PACSIN2: variants seen among roughly 807,000 people sequenced by gnomAD.
PACSIN2 encodes protein kinase C and casein kinase substrate in neurons 2.
Under a neutral mutation model 63.8 loss-of-function variants are expected in PACSIN2, and 25 were observed. That is an observed-to-expected ratio of 0.39 (90% confidence interval 0.29 to 0.55). The LOEUF is 0.55. Ranked by LOEUF, PACSIN2 falls within the 20% of genes least tolerant of loss-of-function variation. The pLI is 0.62. For synonymous variants in PACSIN2, 255 were observed against 256.2 expected (o/e 1.00, Z 0.05); for missense variants, 518 against 646.9 (o/e 0.80, Z 2.16).
intron 1 of PACSIN2, among the ~76,000 whole-genome samples, chr22:42,971,889 T>G (rs1372183967): frequency 3.0e-5 from 4 of 134,720 alleles, no homozygotes; most frequent in African/African-American, 1.3e-4. Flanking sequence ...GTTCGGGAGG[T>G]GGGGGGCAGC....
chr22:42,967,680 A>G (rs1485897587), intron 1 of PACSIN2, among the ~76,000 whole-genome samples: 1 of 152,222 alleles, frequency 6.6e-6, no homozygotes, highest in East Asian at 1.9e-4. Context: ...CGAGGTCAGG[A>G]GATCAAGACC....
chr22:42,893,627 C>A lies in PACSIN2; in HGVS notation c.61-14G>T. 6.2e-7 allele frequency: 1 copy of A among 1,608,648 alleles called. No homozygotes were observed. The highest frequency in any genetic ancestry group is 8.5e-7 in the Non-Finnish European group (1 of 1,175,686). ...GTAGTTCCCGACCTAGGAGAGAGAACCAGCTGGGAGGCAGGGGGCTTGGGG... is the reference window on the plus strand; with the variant it reads ...GTAGTTCCCGACCTAGGAGAGAGAAACAGCTGGGAGGCAGGGGGCTTGGGG... On this transcript the variant is annotated splice_polypyrimidine_tract_variant and intron_variant, in intron 2 of 10. Transcript: ENST00000263246.
intron 2 of PACSIN2, among the ~76,000 whole-genome samples, chr22:42,905,691 T>A (rs151000956): frequency 6.6e-6 from 1 of 152,266 alleles, no homozygotes; most frequent in African/African-American, 2.4e-5. Context: ...CCAAAGGGCA[T>A]GAAAGAGCTG....
intron 1 of PACSIN2, among the ~76,000 whole-genome samples, chr22:42,949,320 C>A (rs1933573856): frequency 1.3e-5 from 2 of 152,160 alleles, no homozygotes; most frequent in Non-Finnish European, 1.5e-5. Context: ...CTCCTCCTGG[C>A]CTCTCTGGCA....
chr22:42,874,324 A>C (rs62231590), intron 10 of PACSIN2, among the ~76,000 whole-genome samples: 2 of 20,370 alleles, frequency 9.8e-5, no homozygotes, highest in African/African-American at 2.1e-3. Context: ...TGTCTCTATT[A>C]AAAAAAAAAA....
Position 42,876,219 on chromosome 22 carries a change from G to A in PACSIN2, c.1266C>T (p.Asp422=), listed in dbSNP as rs775962311. 396 of 1,614,076 alleles carry A rather than the reference G, an allele frequency of 2.5e-4. 1 individual carries two copies. The highest frequency in any genetic ancestry group is 1.3e-4 in the South Asian group (12 of 91,092). ...CTCGCACTTCCGTCCCCGAGGTGGC[G>A]TCGTCGTCGAATGGATTCGAGTCCC... is the stretch of plus-strand genomic sequence containing the variant. ...ANGDSNPFDD[D]ATSGTEVRVR... is the part of the protein sequence containing the mutation. The change falls in exon 10 of 11, where the codon GAC becomes GAT. Residue 422 remains aspartate, a synonymous_variant. Coordinates refer to ENST00000263246, the MANE Select transcript of PACSIN2 (RefSeq NM_001184970.3).
intron 2 of PACSIN2, among the ~76,000 whole-genome samples, chr22:42,906,310 CA>C (rs1446855804): frequency 6.6e-6 from 1 of 152,270 alleles, no homozygotes; most frequent in Non-Finnish European, 1.5e-5. Context: ...GATTGGGCAG[CA>C]AAGGCTGCTT....
At position 42,905,654 on chromosome 22, in the gene PACSIN2, C is replaced by T. The variant is rs143607534; in HGVS notation, c.60+6367G>A. Among the ~76,000 whole-genome samples, 254 of 152,270 alleles carry T rather than the reference C, an allele frequency of 1.7e-3. 2 individuals are homozygous for T. The highest frequency in any genetic ancestry group is 5.9e-3 in the African/African-American group (244 of 41,544). On this transcript the variant is annotated intron_variant, in intron 2 of 10. Transcript: ENST00000263246. ...ATCGGGAATGGCTGAGCACGCAGGC[C>T]GAAGACAATGTTGTAGATGTCATAC...
chr22:42,880,528 TAGCGGGGGC>T (rs1928990231), intron 7 of PACSIN2: 1 of 152,108 alleles, frequency 6.6e-6, no homozygotes, highest in South Asian at 2.1e-4. Flanking sequence ...GCTAGGAGCC[TAGCGGGGGC>T]AGCACACCCA....
intron 1 of PACSIN2, chr22:42,945,723 T>C (rs564663202): frequency 2.0e-5 from 3 of 152,496 alleles, no homozygotes; most frequent in Admixed American, 6.5e-5. Context: ...CCCATGATGA[T>C]AGCTACCTTC....
intron 1 of PACSIN2, among the ~76,000 whole-genome samples, chr22:42,968,437 G>C (rs1921007707): frequency 6.6e-6 from 1 of 152,098 alleles, no homozygotes; most frequent in Non-Finnish European, 1.5e-5. Context: ...TCAGTGCTGG[G>C]GAAAAAGAAA....
Position 42,871,132 on chromosome 22 carries a change from A to G in PACSIN2, c.*225T>C. 5.2e-6 allele frequency: 3 copies of G among 573,762 alleles called. No individual in the cohort carries two copies. In the South Asian group the frequency reaches 6.2e-5, roughly 12 times the overall value. The allele number at this position is 573,762 out of a possible 1,614,324, so 35.5% of individuals were successfully genotyped here. A position where few individuals can be genotyped will look rare whatever the true frequency, so the allele number is the denominator to read the frequency against. On this transcript the variant is annotated 3_prime_UTR_variant, in exon 11 of 11. Coordinates refer to ENST00000263246, the MANE Select transcript of PACSIN2 (RefSeq NM_001184970.3). The surrounding 1 kb of genome is among the most constrained non-coding windows in gnomAD (Gnocchi z 5.4). ...GCACAGTGGGCGGGGAGGGGCGGCT[A>G]TTTCTGTTGTTCTGCGTCTTCCTGC...
intron 10 of PACSIN2, among the ~76,000 whole-genome samples, chr22:42,874,031 C>G (rs1349146950): frequency 6.6e-6 from 1 of 152,116 alleles, no homozygotes; most frequent in Non-Finnish European, 1.5e-5. Flanking sequence ...CTCAAGTGAT[C>G]CTTCGGCCTT....
intron 1 of PACSIN2, among the ~76,000 whole-genome samples, chr22:42,934,045 C>T (rs1342726566): frequency 6.6e-6 from 1 of 152,230 alleles, no homozygotes; most frequent in Admixed American, 6.5e-5. Context: ...AGTTCTTTAA[C>T]ACACTTGTCT....
intron 2 of PACSIN2, among the ~76,000 whole-genome samples, chr22:42,894,092 G>C (rs888423175): frequency 6.6e-6 from 1 of 152,132 alleles, no homozygotes; most frequent in African/African-American, 2.4e-5. Context: ...CATGTGCCAG[G>C]CGACCTGCTA....
chr22:42,935,416 G>C (rs1019036695), intron 1 of PACSIN2, among the ~76,000 whole-genome samples: 3 of 152,152 alleles, frequency 2.0e-5, no homozygotes, highest in African/African-American at 7.2e-5. Flanking sequence ...CATGTGCGGA[G>C]ACCTACTGTG....
At chr22:42,928,032 C>T (rs574212189) in intron 1 of PACSIN2, among the ~76,000 whole-genome samples, 1 of 152,320 alleles carries the variant, frequency 6.6e-6, no homozygotes, top group African/African-American at 2.4e-5. Context: ...GCTTCCACTT[C>T]TGTCCCACTG....
At chr22:42,977,071 T>C (rs1324475399) in intron 1 of PACSIN2, among the ~76,000 whole-genome samples, 1 of 152,252 alleles carries the variant, frequency 6.6e-6, no homozygotes, top group Non-Finnish European at 1.5e-5. Context: ...GTTGCAAATA[T>C]ATAAACATAT....
At chr22:42,888,827 A>G (rs767832804) in intron 4 of PACSIN2, 29 bp from the exon 5 acceptor site, 3 of 1,611,158 alleles carry the variant, frequency 1.9e-6, no homozygotes, top group Non-Finnish European at 2.5e-6. Context: ...CCTGAATGCC[A>G]TGTCACTGGG....
Sources: gnomAD v4.1 joint callset for allele counts (sites outside exome capture counted in the v4.1 genomes callset) on GRCh38, gnomAD v4.1.1 for gene constraint, Gnocchi (gnomAD v3.1) non-coding constraint, MANE v1.5 for transcripts, NCBI Gene and HGNC (gene_info 2026-07-23, HGNC 2026-07-21) for gene names.